Variants in DROSHA observed in about 807,000 individuals in gnomAD.
DROSHA encodes the protein drosha ribonuclease III.
Under a neutral mutation model 181.9 loss-of-function variants are expected in DROSHA, and 56 were observed. The ratio of observed to expected loss-of-function variants is 0.31; its 90% CI spans 0.25 to 0.38. The LOEUF (loss-of-function observed/expected upper bound fraction) is 0.38. DROSHA is among the 10% of genes least tolerant of loss of function. The pLI is 1.00. For synonymous variants in DROSHA, 524 were observed against 591.2 expected (o/e 0.89, Z 1.65); for missense variants, 1,218 against 1,743.5 (o/e 0.70, Z 5.37).
At position 31,469,044 on chromosome 5, in the gene DROSHA, A is replaced by C. The variant is rs1455912899; in HGVS notation, c.2242-981T>G. Reference sequence around the variant, plus strand: ...TGTGATACCAGCCAGCCATCTGACAAATATTCAATGAGGTGACAAAAGGGA... The same window carrying C: ...TGTGATACCAGCCAGCCATCTGACACATATTCAATGAGGTGACAAAAGGGA... On this transcript the variant is annotated intron_variant, in intron 17 of 35. Coordinates refer to ENST00000344624, the MANE Select transcript of DROSHA (RefSeq NM_001382508.1). 1.3e-5 allele frequency among the ~76,000 whole-genome samples: 2 copies of C among 152,226 alleles called. 1 individual carries two copies. The highest frequency in any genetic ancestry group is 2.9e-5 in the Non-Finnish European group (2 of 68,042).
At position 31,526,702 on chromosome 5, in the gene DROSHA, G is replaced by T. The variant is rs750471433; in HGVS notation, c.231C>A (p.Asp77Glu). ...GCATGGGTGGGGGGAAGGGTACAAA[G>T]TCTGGTCGTGGAGGGAGAAAATTGG... Reference protein sequence around the residue: ...PAPNFLPPRPDFVPFPPPMPP... With the variant: ...PAPNFLPPRPEFVPFPPPMPP... Residue 77 changes from aspartate to glutamate, a missense_variant, in exon 5 of 36, where the codon GAC becomes GAA. This residue lies in a region of DROSHA where 536 missense variants were observed against 535.4 expected (regional missense o/e 1.00). Coordinates refer to ENST00000344624, the MANE Select transcript of DROSHA (RefSeq NM_001382508.1). The T allele has an allele frequency of 1.3e-5, 20 of 1,543,354 alleles. No individual in the cohort carries two copies. Among genetic ancestry groups the T allele is most frequent in the Non-Finnish European group, 1.7e-5 (20 of 1,149,002 alleles).
At chr5:31,468,871 G>A (rs976492015) in intron 17 of DROSHA, among the ~76,000 whole-genome samples, 1 of 152,152 alleles carries the variant, frequency 6.6e-6, no homozygotes, top group Non-Finnish European at 1.5e-5. Flanking sequence ...GATTCACACA[G>A]AGGCCAATAA....
intron 12 of DROSHA, among the ~76,000 whole-genome samples, chr5:31,493,770 A>G (rs1752649751): frequency 6.6e-6 from 1 of 152,154 alleles, no homozygotes; most frequent in Admixed American, 6.5e-5. Context: ...TCATAGCTCT[A>G]TTCCCAGCCT....
chr5:31,420,563 A>G (rs3805516), intron 30 of DROSHA, among the ~76,000 whole-genome samples: 45,191 of 152,006 alleles, frequency 0.3, 7,756 homozygotes, highest in East Asian at 0.5. Context: ...TGTCTCTGTA[A>G]CTCCCTTTCA....
chr5:31,526,857 C>G lies in DROSHA; in HGVS notation c.76G>C (p.Gly26Arg). ...AAGGATGGTGCTGAGGGTCTGGCTCCATGTCCTCCTCGTCCTCGGGGACAC... is the reference window on the plus strand; with the variant it reads ...AAGGATGGTGCTGAGGGTCTGGCTCGATGTCCTCCTCGTCCTCGGGGACAC... ...RGCPRGRGGH[G>R]ARPSAPSFRP... Residue 26 changes from glycine (G) to arginine (R), a missense_variant, in exon 5 of 36, where the codon GGA (glycine) becomes CGA (arginine). This residue lies in a region of DROSHA where 536 missense variants were observed against 535.4 expected (regional missense o/e 1.00). Transcript: ENST00000344624. The G allele has an allele frequency of 1.9e-6, 3 of 1,613,336 alleles. No individual in the cohort carries two copies. The highest frequency in any genetic ancestry group is 1.7e-5 in the Admixed American group (1 of 60,004).
chr5:31,459,968 T>C (rs1748216650), intron 20 of DROSHA, among the ~76,000 whole-genome samples: 1 of 152,202 alleles, frequency 6.6e-6, no homozygotes, highest in African/African-American at 2.4e-5. Flanking sequence ...ACTGTGATGG[T>C]GCAAATTCTT....
At chr5:31,404,274 CAA>C (rs757444429) in intron 35 of DROSHA, among the ~76,000 whole-genome samples, 1 of 151,894 alleles carries the variant, frequency 6.6e-6, no homozygotes, top group Non-Finnish European at 1.5e-5. Context: ...TGAAAACAAA[CAA>C]AAAATGGAAT....
intron 11 of DROSHA, among the ~76,000 whole-genome samples, chr5:31,500,616 A>G (rs914846302): frequency 6.6e-6 from 1 of 152,250 alleles, no homozygotes; most frequent in African/African-American, 2.4e-5. Flanking sequence ...CAGAGGACAC[A>G]CCAAAACAAA....
chr5:31,446,850 G>C (rs186180549), intron 23 of DROSHA, among the ~76,000 whole-genome samples: 9 of 152,242 alleles, frequency 5.9e-5, no homozygotes, highest in African/African-American at 1.9e-4. Context: ...GACCAGCCTG[G>C]CCAACATGGC....
Position 31,411,189 on chromosome 5 carries a change from T to C in DROSHA, c.3526-302A>G, listed in dbSNP as rs1741264629. ...GGGGGAGGGGGGATGTATAATAAGA[T>C]TTAAGGTCATAGTTTCTAATAAGTT... On this transcript the variant is annotated intron_variant, in intron 30 of 35. Transcript: ENST00000344624. The surrounding 1 kb of genome is among the most constrained non-coding windows in gnomAD (Gnocchi z 4.2). Among the ~76,000 whole-genome samples, 2 of 152,120 alleles carry C rather than the reference T, an allele frequency of 1.3e-5. No individual in the cohort carries two copies. The highest frequency in any genetic ancestry group is 2.9e-5 in the Non-Finnish European group (2 of 68,018).
intron 15 of DROSHA, among the ~76,000 whole-genome samples, chr5:31,484,414 C>T (rs1356588087): frequency 1.5e-5 from 2 of 137,434 alleles, no homozygotes; most frequent in African/African-American, 2.8e-5. Context: ...AAAAAGAATA[C>T]GGATACTTCC....
intron 5 of DROSHA, 108 bp downstream of exon 5, chr5:31,525,971 A>G (rs1580392331): frequency 9.0e-7 from 1 of 1,108,018 alleles, no homozygotes; most frequent in Non-Finnish European, 1.3e-6. Flanking sequence ...CTTTCCTTAC[A>G]TAAATCAAGA....
intron 9 of DROSHA, among the ~76,000 whole-genome samples, chr5:31,509,365 A>G (rs544919511): frequency 9.9e-5 from 15 of 152,232 alleles, no homozygotes; most frequent in Non-Finnish European, 8.8e-5. Flanking sequence ...ATGAAAAACC[A>G]TAGTAGTAGT....
rs548637565 is a variant in DROSHA at position 31,404,011 on chromosome 5, G to A, written c.3994+1666C>T. On this transcript the variant is annotated intron_variant, in intron 35 of 35. Coordinates refer to ENST00000344624, the MANE Select transcript of DROSHA (RefSeq NM_001382508.1). ...TAGCTCACTGCAGCCTCGAACCCCT[G>A]GGCTCAAGTGATCCTCTGGCCTCAG... 2.6e-5 allele frequency among the ~76,000 whole-genome samples: 4 copies of A among 152,100 alleles called. No individual in the cohort carries two copies. The East Asian group carries it at 5.8e-4, about 22-fold the overall frequency.
intron 6 of DROSHA, among the ~76,000 whole-genome samples, chr5:31,520,273 A>G (rs1215974709): frequency 6.6e-6 from 1 of 152,286 alleles, no homozygotes; most frequent in East Asian, 1.9e-4. Flanking sequence ...CACTTTCTCA[A>G]ACCTAATGTT....
chr5:31,429,852 A>G lies in DROSHA; in HGVS notation c.3146-307T>C, dbSNP rs147999208. Among the ~76,000 whole-genome samples, 660 of 152,312 alleles carry G rather than the reference A, an allele frequency of 4.3e-3. 13 individuals are homozygous for G. The highest frequency in any genetic ancestry group is 7.1e-3 in the East Asian group (37 of 5,192). On this transcript the variant is annotated intron_variant, in intron 26 of 35. Coordinates refer to ENST00000344624, the MANE Select transcript of DROSHA (RefSeq NM_001382508.1). The stretch of plus-strand genomic sequence containing the variant: ...ACCTTACTAAGGGAGCAATGCACAA[A>G]TACTTGACTTTAGTAAAGCAAATGT...
intron 10 of DROSHA, 78 bp from the exon 11 acceptor site, chr5:31,504,713 G>A (rs919126751): frequency 2.2e-5 from 33 of 1,490,394 alleles, no homozygotes; most frequent in African/African-American, 2.2e-4. Context: ...CCGAAAATGC[G>A]TGGGTTTTAA....
chr5:31,464,091 T>C (rs1189280018), intron 20 of DROSHA, 145 bp downstream of exon 20: 3 of 736,452 alleles, frequency 4.1e-6, no homozygotes, highest in East Asian at 2.7e-5. Flanking sequence ...ATCCAAATAA[T>C]AGAAAACAAT....
At chr5:31,463,382 T>A (rs1279561640) in intron 20 of DROSHA, among the ~76,000 whole-genome samples, 1 of 152,150 alleles carries the variant, frequency 6.6e-6, no homozygotes, top group African/African-American at 2.4e-5. Flanking sequence ...TTTTAAAAAA[T>A]TCATTATGAT....
Sources: gnomAD v4.1 joint callset for allele counts (sites outside exome capture counted in the v4.1 genomes callset) on GRCh38, gnomAD v4.1.1 for gene constraint, gnomAD v4.1.1 regional missense constraint, Gnocchi (gnomAD v3.1) non-coding constraint, MANE v1.5 for transcripts, NCBI Gene and HGNC (gene_info 2026-07-23, HGNC 2026-07-21) for gene names.